Variants in SNX9 observed in about 807,000 individuals in gnomAD.
The protein encoded by SNX9 is sorting nexin-9.
In SNX9, 44 loss-of-function variants were observed where a neutral mutation model predicts 89.4. The observed-to-expected ratio is 0.49, with a 90% CI of 0.39 to 0.63. The LOEUF (loss-of-function observed/expected upper bound fraction) is 0.63, where lower values mean the gene tolerates loss of function less well. Among genes scored for constraint, SNX9 ranks in the 30% least tolerant of loss-of-function variants. The pLI is 0.00. For synonymous variants in SNX9, 236 were observed against 247.8 expected, an observed-to-expected ratio of 0.95 and a Z score of 0.45; for missense variants, 578 against 736.1, an observed-to-expected ratio of 0.79 and a Z score of 2.49.
At chr6:157,861,185 A>T (rs1782112076) in intron 1 of SNX9, among the ~76,000 whole-genome samples, 1 of 152,218 alleles carries the variant, frequency 6.6e-6, no homozygotes, top group Admixed American at 6.5e-5. Flanking sequence ...TTTGGAAAAG[A>T]TCTTTTGCTA....
At chr6:157,852,013 T>A (rs546227323) in intron 1 of SNX9, among the ~76,000 whole-genome samples, 1 of 152,348 alleles carries the variant, frequency 6.6e-6, no homozygotes, top group Admixed American at 6.5e-5. Context: ...GTATTTTGTT[T>A]ATTCATCCGT....
At chr6:157,825,107 G>C (rs949210905) in intron 1 of SNX9, among the ~76,000 whole-genome samples, 1 of 152,168 alleles carries the variant, frequency 6.6e-6, no homozygotes, top group South Asian at 2.1e-4. Flanking sequence ...AATTAGCTGG[G>C]CGTGGTGGCG....
In SNX9 at chr6:157,942,793, T is replaced by G; in HGVS notation, c.1743T>G (p.Ile581Met). 1 of 1,614,030 alleles carries G rather than the reference T, an allele frequency of 6.2e-7. No individual in the cohort carries two copies. The highest frequency in any genetic ancestry group is 8.5e-7 in the Non-Finnish European group (1 of 1,179,946). The change falls in exon 18 of 18, where the codon ATT becomes ATG. Residue 581 changes from isoleucine to methionine, a missense_variant and splice_region_variant. Around this residue, in one of 2 missense-constraint regions of SNX9, gnomAD observed 348 missense variants for 491.4 expected, o/e 0.71. Transcript: ENST00000392185. ...GTTTTGTTTTGCTTTCTTGTCAGAT[T>G]GCAGAAAAGCTGAGGCAGGCCCTCA... ...LEQQVQFYET[I>M]AEKLRQALSR...
At chr6:157,922,783 T>C (rs971665076) in intron 10 of SNX9, among the ~76,000 whole-genome samples, 1 of 152,228 alleles carries the variant, frequency 6.6e-6, no homozygotes, top group Non-Finnish European at 1.5e-5. Flanking sequence ...CCATGTCTTA[T>C]GAATTTGTAT....
chr6:157,857,373 A>G (rs1261374191), intron 1 of SNX9, among the ~76,000 whole-genome samples: 2 of 152,032 alleles, frequency 1.3e-5, no homozygotes, highest in African/African-American at 2.4e-5. Flanking sequence ...GGAGTCAACT[A>G]TTTCTCTAAG....
chr6:157,871,530 G>A (rs955266034), intron 2 of SNX9, among the ~76,000 whole-genome samples: 14 of 152,200 alleles, frequency 9.2e-5, no homozygotes, highest in Admixed American at 3.9e-4. Context: ...GCCTGTCGTC[G>A]GGTGGGAGGA....
At chr6:157,827,708 A>G (rs1367568207) in intron 1 of SNX9, among the ~76,000 whole-genome samples, 1 of 150,484 alleles carries the variant, frequency 6.6e-6, no homozygotes, top group Non-Finnish European at 1.5e-5. Context: ...CAAAGGGGAC[A>G]TGAAGAAAAT....
intron 8 of SNX9, 35 bp from the exon 9 acceptor site, chr6:157,909,873 C>T (rs772066971): frequency 1.2e-6 from 2 of 1,611,170 alleles, no homozygotes; most frequent in East Asian, 4.5e-5. Context: ...CTAGAGTTGG[C>T]ATTGGTAACC....
chr6:157,897,142 C>T, intron 5 of SNX9, 144 bp downstream of exon 5: 2 of 762,072 alleles, frequency 2.6e-6, no homozygotes, highest in Non-Finnish European at 4.1e-6. Flanking sequence ...GAGGATTGCC[C>T]CACCCACCAA....
At chr6:157,843,276 G>A (rs952928440) in intron 1 of SNX9, among the ~76,000 whole-genome samples, 2 of 152,090 alleles carry the variant, frequency 1.3e-5, no homozygotes, top group Non-Finnish European at 2.9e-5. Context: ...AGCACCGACC[G>A]CCTGCCCAGT....
intron 7 of SNX9, among the ~76,000 whole-genome samples, chr6:157,908,484 A>G (rs1260936324): frequency 6.6e-6 from 1 of 152,242 alleles, no homozygotes; most frequent in Admixed American, 6.5e-5. Context: ...GATAAGAGCT[A>G]CTGTCCTGCA....
chr6:157,891,981 C>A (rs1324075304), intron 4 of SNX9, among the ~76,000 whole-genome samples: 1 of 152,122 alleles, frequency 6.6e-6, no homozygotes, highest in Non-Finnish European at 1.5e-5. Context: ...CCACAGGAAG[C>A]TTGGAGGTGA....
At chr6:157,937,063 A>AGTT (rs10635848) in intron 14 of SNX9, among the ~76,000 whole-genome samples, 35,567 of 152,084 alleles carry the variant, frequency 0.23, 4,324 homozygotes, top group African/African-American at 0.29. Context: ...TAAAATGATT[A>AGTT]GTTTTAATAT....
chr6:157,885,028 A>C (rs909116088), intron 4 of SNX9: 1 of 152,206 alleles, frequency 6.6e-6, no homozygotes, highest in African/African-American at 2.4e-5. Flanking sequence ...TTCTGTACTC[A>C]AAGCTACCTA....
intron 9 of SNX9, among the ~76,000 whole-genome samples, chr6:157,914,290 T>G (rs1783412087): frequency 6.6e-6 from 1 of 152,088 alleles, no homozygotes; most frequent in African/African-American, 2.4e-5. Context: ...TCTGTAGATC[T>G]TTGGTGCTGA....
chr6:157,835,100 C>T (rs887205138), intron 1 of SNX9, among the ~76,000 whole-genome samples: 2 of 151,702 alleles, frequency 1.3e-5, no homozygotes, highest in African/African-American at 2.4e-5. Context: ...GCAACCTCCA[C>T]CTCCTGGGTT....
intron 4 of SNX9, among the ~76,000 whole-genome samples, chr6:157,890,920 A>G (rs1285915687): frequency 6.6e-6 from 1 of 151,468 alleles, no homozygotes; most frequent in Non-Finnish European, 1.5e-5. Flanking sequence ...ATATTTGCCC[A>G]TTCCTCCATC....
At chr6:157,883,769 G>A (rs1407120787) in intron 4 of SNX9, among the ~76,000 whole-genome samples, 2 of 152,118 alleles carry the variant, frequency 1.3e-5, no homozygotes, top group African/African-American at 4.8e-5. Flanking sequence ...TTCAGGTTCA[G>A]CTCAAATACC....
intron 10 of SNX9, among the ~76,000 whole-genome samples, chr6:157,923,039 G>C (rs1583239495): frequency 6.6e-6 from 1 of 152,208 alleles, no homozygotes; most frequent in East Asian, 1.9e-4. Context: ...GCATGGTGGA[G>C]TTAATAAATC....
Sources: allele counts gnomAD v4.1 joint callset (sites outside exome capture counted in the v4.1 genomes callset), GRCh38; gene constraint gnomAD v4.1.1; regional missense constraint gnomAD v4.1.1; transcripts MANE v1.5; gene names NCBI Gene and HGNC (gene_info 2026-07-23, HGNC 2026-07-21).